The following PPP1R9A variants were observed in gnomAD, a reference collection of about 807,000 sequenced individuals.
PPP1R9A encodes the protein neurabin-1.
In PPP1R9A, 59 loss-of-function variants were observed where a neutral mutation model predicts 141.9. That is an observed-to-expected ratio of 0.42 (90% confidence interval 0.34 to 0.52). The LOEUF (loss-of-function observed/expected upper bound fraction) is 0.52, where lower values mean the gene tolerates loss of function less well. Among genes scored for constraint, PPP1R9A ranks in the 20% least tolerant of loss-of-function variants. The probability of loss-of-function intolerance (pLI) is 0.10; values close to 1 mark genes in which losing one functional copy is unlikely to be tolerated. For synonymous variants in PPP1R9A, 500 were observed against 569.7 expected (o/e 0.88, Z 1.74); for missense variants, 1,444 against 1,611.9 (o/e 0.90, Z 1.78).
chr7:95,195,564 CA>C (rs1436702751), intron 5 of PPP1R9A, among the ~76,000 whole-genome samples: 1 of 151,714 alleles, frequency 6.6e-6, no homozygotes, highest in Non-Finnish European at 1.5e-5. Flanking sequence ...AGGCATGAGC[CA>C]CCGTGTCCAG....
At chr7:95,245,569 C>T (rs1167701728) in intron 8 of PPP1R9A, among the ~76,000 whole-genome samples, 1 of 152,094 alleles carries the variant, frequency 6.6e-6, no homozygotes, top group East Asian at 1.9e-4. Flanking sequence ...AAAGATCCAT[C>T]CAGACTAGGA....
rs572739097 is a variant in PPP1R9A, at chr7:95,268,300, T to G, written c.2666-250T>G. Among the ~76,000 whole-genome samples, 4 of 152,256 alleles carry G rather than the reference T, an allele frequency of 2.6e-5. No individual in the cohort carries two copies. The South Asian group carries it at 8.3e-4, about 32-fold the overall frequency. ...TTTTATAATTATATTGCAGGAAGGT[T>G]GTATGCTTTTCGGATGTTGGATTTT... is the stretch of plus-strand genomic sequence containing the variant. On this transcript the variant is annotated intron_variant, in intron 12 of 19. Transcript: ENST00000433360.
chr7:95,004,104 A>G (rs1803293229), intron 2 of PPP1R9A, among the ~76,000 whole-genome samples: 1 of 151,894 alleles, frequency 6.6e-6, no homozygotes, highest in African/African-American at 2.4e-5. Context: ...CTTCTGCTTG[A>G]CTTTGAGTAA....
chr7:95,100,627 T>C (rs796462678), intron 2 of PPP1R9A, among the ~76,000 whole-genome samples: 20 of 152,236 alleles, frequency 1.3e-4, no homozygotes, highest in African/African-American at 4.8e-4. Context: ...ATGGAAGATA[T>C]GATGGATGCC....
At chr7:95,048,512 C>T (rs1053877932) in intron 2 of PPP1R9A, among the ~76,000 whole-genome samples, 10 of 151,282 alleles carry the variant, frequency 6.6e-5, no homozygotes, top group Non-Finnish European at 1.2e-4. Context: ...TTTTTTTAAC[C>T]ATGACAGCGT....
intron 7 of PPP1R9A, among the ~76,000 whole-genome samples, chr7:95,204,951 G>A (rs1462997849): frequency 9.3e-6 from 1 of 107,166 alleles, no homozygotes; most frequent in African/African-American, 3.7e-5. Context: ...ACCCACACAC[G>A]ACACGCACAC....
chr7:94,918,954 A>G (rs1358531437), intron 2 of PPP1R9A, among the ~76,000 whole-genome samples: 1 of 152,218 alleles, frequency 6.6e-6, no homozygotes, highest in Non-Finnish European at 1.5e-5. Context: ...GAGGAAGAAC[A>G]CATGAAGCTG....
At chr7:95,242,914 T>C (rs10499911) in intron 8 of PPP1R9A, among the ~76,000 whole-genome samples, 19,939 of 152,134 alleles carry the variant, frequency 0.13, 1,493 homozygotes, top group African/African-American at 0.18. Flanking sequence ...CTTCTATCCC[T>C]GCAGTCAGCG....
intron 5 of PPP1R9A, among the ~76,000 whole-genome samples, chr7:95,175,663 G>T (rs911829666): frequency 5.3e-5 from 8 of 151,996 alleles, no homozygotes; most frequent in South Asian, 2.1e-4. Flanking sequence ...TCAATTTGAA[G>T]AAATTTTCAA....
At position 95,250,106 on chromosome 7, in the gene PPP1R9A, A is replaced by G; in HGVS notation, c.2247A>G (p.Glu749=). 1 of 1,613,822 alleles carries G rather than the reference A, an allele frequency of 6.2e-7. No homozygotes were observed. Among genetic ancestry groups the G allele is most frequent in the Non-Finnish European group, 8.5e-7 (1 of 1,179,890 alleles). ...QLQQNIEENK[E]RMLKLESYWI... ...AACAAAACATAGAAGAGAATAAGGA[A>G]AGAATGTTGAAGTTGGAAAGCTACT... The change falls in exon 10 of 20, where the codon GAA becomes GAG. Residue 749 remains glutamate (E), a synonymous_variant. Coordinates refer to ENST00000433360, the MANE Select transcript of PPP1R9A (RefSeq NM_001166160.2).
intron 2 of PPP1R9A, among the ~76,000 whole-genome samples, chr7:94,915,171 A>G (rs575426384): frequency 6.6e-6 from 1 of 152,362 alleles, no homozygotes; most frequent in East Asian, 1.9e-4. Context: ...ACAGGATTAG[A>G]ATTCAAATAA....
intron 4 of PPP1R9A, among the ~76,000 whole-genome samples, chr7:95,150,067 T>C (rs1169225124): frequency 1.3e-5 from 2 of 150,580 alleles, no homozygotes; most frequent in Non-Finnish European, 2.9e-5. Flanking sequence ...TATACTCAAC[T>C]GAACCTTGCA....
At chr7:94,969,326 CT>C (rs1336606216) in intron 2 of PPP1R9A, among the ~76,000 whole-genome samples, 1 of 152,026 alleles carries the variant, frequency 6.6e-6, no homozygotes, top group Non-Finnish European at 1.5e-5. Context: ...GATGGGGTTT[CT>C]GTGTGGACGT....
chr7:95,173,326 C>A lies in PPP1R9A; in HGVS notation c.1754+11355C>A, dbSNP rs572456559. Among the ~76,000 whole-genome samples, 4 of 151,870 alleles carry A rather than the reference C, an allele frequency of 2.6e-5. 1 individual carries two copies. The highest frequency in any genetic ancestry group is 9.6e-5 in the African/African-American group (4 of 41,488). On this transcript the variant is annotated intron_variant, in intron 5 of 19. Coordinates refer to ENST00000433360, the MANE Select transcript of PPP1R9A (RefSeq NM_001166160.2). ...GAATGTTGAAAAATTATCTGTTGGG[C>A]ACAATGTTCATTGTTAAGGTGATGA...
intron 1 of PPP1R9A, among the ~76,000 whole-genome samples, chr7:94,909,335 C>T (rs1181338839): frequency 6.6e-6 from 1 of 152,102 alleles, no homozygotes; most frequent in Non-Finnish European, 1.5e-5. Context: ...TTGTTTTGAT[C>T]TGAAATTGCA....
chr7:95,248,274 G>A (rs1292450064), intron 9 of PPP1R9A, among the ~76,000 whole-genome samples: 4 of 70,704 alleles, frequency 5.7e-5, no homozygotes, highest in African/African-American at 1.1e-4. Context: ...ACCCTCCCCC[G>A]CCCCCAATCA....
At chr7:95,131,866 T>C (rs534578917) in intron 4 of PPP1R9A, among the ~76,000 whole-genome samples, 1 of 152,260 alleles carries the variant, frequency 6.6e-6, no homozygotes, top group Admixed American at 6.5e-5. Context: ...TAATTTCTTT[T>C]AGTAGTGTTT....
intron 2 of PPP1R9A, among the ~76,000 whole-genome samples, chr7:95,073,376 A>C (rs915806134): frequency 6.6e-6 from 1 of 152,142 alleles, no homozygotes; most frequent in African/African-American, 2.4e-5. Context: ...AACATAGCAT[A>C]AGAGTAACTT....
intron 2 of PPP1R9A, among the ~76,000 whole-genome samples, chr7:94,953,419 T>C (rs1459947648): frequency 1.3e-5 from 2 of 152,218 alleles, no homozygotes; most frequent in Non-Finnish European, 2.9e-5. Flanking sequence ...TTCTTTTTGC[T>C]TAGGATTGTC....
Sources: allele counts gnomAD v4.1 joint callset (sites outside exome capture counted in the v4.1 genomes callset), GRCh38; gene constraint gnomAD v4.1.1; transcripts MANE v1.5; gene names NCBI Gene and HGNC (gene_info 2026-07-23, HGNC 2026-07-21).